RBFOX1: variants seen among roughly 807,000 people sequenced by gnomAD.
The protein encoded by RBFOX1 is RNA binding protein fox-1 homolog 1.
In RBFOX1, 8 loss-of-function variants were observed where a neutral mutation model predicts 57.7. The ratio of observed to expected loss-of-function variants is 0.14; its 90% CI spans 0.08 to 0.25. The LOEUF (loss-of-function observed/expected upper bound fraction) is 0.25. RBFOX1 is among the 10% of genes least tolerant of loss of function. The probability of loss-of-function intolerance (pLI) is 1.00; values close to 1 mark genes in which losing one functional copy is unlikely to be tolerated. For missense variants in RBFOX1, 611 were observed against 548.5 expected (o/e 1.11, Z -1.14); for synonymous variants, 326 against 222.4 (o/e 1.47, Z -4.15).
Position 5,525,925 on chromosome 16 carries a change from T to G in RBFOX1, c.258+58671T>G, listed in dbSNP as rs188160913. On this transcript the variant is annotated intron_variant, in intron 2 of 2. Transcript: ENST00000585867. Reference sequence around the variant, plus strand: ...ACATCGAAGGCTAGTGCCTCTTTACTTGAAGGCAAGCTTCACATCATGTGA... The same window carrying G: ...ACATCGAAGGCTAGTGCCTCTTTACGTGAAGGCAAGCTTCACATCATGTGA... 3.7e-3 allele frequency among the ~76,000 whole-genome samples: 565 copies of G among 152,238 alleles called. 2 individuals carry two copies. The highest frequency in any genetic ancestry group is 0.012 in the African/African-American group (513 of 41,550).
chr16:7,475,249 AC>A (rs2151040868), intron 4 of RBFOX1, among the ~76,000 whole-genome samples: 1 of 151,828 alleles, frequency 6.6e-6, no homozygotes, highest in East Asian at 1.9e-4. Context: ...TCTGTTTTCA[AC>A]ACTCCTTCAA....
intron 5 of RBFOX1, among the ~76,000 whole-genome samples, chr16:7,573,353 G>A (rs947400203): frequency 2.0e-5 from 3 of 152,084 alleles, no homozygotes; most frequent in African/African-American, 2.4e-5. Flanking sequence ...AGCCAATGAC[G>A]ATCCAGGTTG....
chr16:7,168,546 A>G (rs916941146), intron 4 of RBFOX1, among the ~76,000 whole-genome samples: 2 of 152,182 alleles, frequency 1.3e-5, no homozygotes, highest in Admixed American at 6.5e-5. Flanking sequence ...TAAGTTGCAG[A>G]AAAATGGCCA....
At chr16:5,668,402 G>A (rs148862408) in intron 3 of RBFOX1, among the ~76,000 whole-genome samples, 262 of 152,284 alleles carry the variant, frequency 1.7e-3, no homozygotes, top group Non-Finnish European at 2.8e-3. Context: ...TTAACACAGA[G>A]CTTTAGAAAC....
At chr16:6,169,807 C>T (rs1024904328) in intron 1 of RBFOX1, among the ~76,000 whole-genome samples, 1 of 151,368 alleles carries the variant, frequency 6.6e-6, no homozygotes, top group Non-Finnish European at 1.5e-5. Flanking sequence ...CTCTATCACC[C>T]AGGCTGGAGT....
chr16:5,389,752 C>T (rs748034626), intron 1 of RBFOX1, among the ~76,000 whole-genome samples: 9 of 151,642 alleles, frequency 5.9e-5, no homozygotes, highest in Non-Finnish European at 1.3e-4. Context: ...GGCTGGAGTG[C>T]AGTGGCATGA....
chr16:7,429,733 A>C (rs923969969), intron 4 of RBFOX1, among the ~76,000 whole-genome samples: 2 of 152,224 alleles, frequency 1.3e-5, no homozygotes, highest in Non-Finnish European at 2.9e-5. Flanking sequence ...TTTATTGGGA[A>C]AAGTGCATGG....
intron 2 of RBFOX1, among the ~76,000 whole-genome samples, chr16:6,366,965 C>T (rs2089720384): frequency 6.6e-6 from 1 of 152,204 alleles, no homozygotes; most frequent in African/African-American, 2.4e-5. Context: ...TGTGAAAGTG[C>T]ACATGACAAT....
intron 15 of RBFOX1, chr16:7,709,392 T>C (rs1432198791): frequency 3.2e-6 from 4 of 1,239,494 alleles, no homozygotes; most frequent in East Asian, 2.7e-5. Flanking sequence ...AATGGAATAA[T>C]TAGTCATTTT....
At chr16:7,162,409 C>G (rs1053369747) in intron 4 of RBFOX1, among the ~76,000 whole-genome samples, 3 of 151,896 alleles carry the variant, frequency 2.0e-5, no homozygotes, top group African/African-American at 7.2e-5. Flanking sequence ...TTATGATGCT[C>G]CATTGTGCAG....
intron 2 of RBFOX1, among the ~76,000 whole-genome samples, chr16:6,336,187 T>A (rs1267224209): frequency 1.6e-3 from 61 of 37,430 alleles, no homozygotes; most frequent in South Asian, 6.0e-3. Flanking sequence ...ATATATTTTT[T>A]TTTTTTTTTT....
chr16:6,350,229 G>A (rs2086070308), intron 2 of RBFOX1, among the ~76,000 whole-genome samples: 1 of 151,852 alleles, frequency 6.6e-6, no homozygotes, highest in African/African-American at 2.4e-5. Context: ...CTGAGGTCGG[G>A]AGTTCGAGAC....
chr16:6,959,493 T>C (rs2082513592), intron 3 of RBFOX1, among the ~76,000 whole-genome samples: 1 of 151,018 alleles, frequency 6.6e-6, no homozygotes, highest in South Asian at 2.1e-4. Flanking sequence ...GGAGTATCTT[T>C]TTTTATTTTT....
intron 3 of RBFOX1, among the ~76,000 whole-genome samples, chr16:6,826,576 G>A (rs1397269608): frequency 6.6e-6 from 1 of 152,104 alleles, no homozygotes; most frequent in African/African-American, 2.4e-5. Context: ...GTGCTCTCAC[G>A]TGCTCTATTC....
At chr16:5,999,571 G>C (rs917184948) in intron 4 of RBFOX1, among the ~76,000 whole-genome samples, 1 of 152,114 alleles carries the variant, frequency 6.6e-6, no homozygotes, top group Non-Finnish European at 1.5e-5. Context: ...GCCGGGCGCC[G>C]CTGGGTGCGG....
At chr16:7,368,372 C>G (rs181635064) in intron 4 of RBFOX1, among the ~76,000 whole-genome samples, 2 of 152,058 alleles carry the variant, frequency 1.3e-5, no homozygotes, top group East Asian at 3.9e-4. Context: ...TCAAAAGTGC[C>G]ATATTTTGAA....
At chr16:5,342,752 C>T (rs1451145611) in intron 1 of RBFOX1, among the ~76,000 whole-genome samples, 1 of 152,196 alleles carries the variant, frequency 6.6e-6, no homozygotes, top group East Asian at 1.9e-4. Context: ...CCTTGGTGCA[C>T]ATCCAAACCT....
intron 2 of RBFOX1, among the ~76,000 whole-genome samples, chr16:6,371,941 T>A (rs1203404523): frequency 6.6e-6 from 1 of 152,222 alleles, no homozygotes; most frequent in Admixed American, 6.5e-5. Context: ...GAAGAGAGAC[T>A]TCATATTTTT....
intron 1 of RBFOX1, among the ~76,000 whole-genome samples, chr16:6,042,713 G>C (rs926680765): frequency 6.6e-6 from 1 of 152,054 alleles, no homozygotes; most frequent in Admixed American, 6.6e-5. Context: ...GTTATAGTTT[G>C]GTTTTGTACG....
Sources: gnomAD v4.1 joint callset for allele counts (sites outside exome capture counted in the v4.1 genomes callset) on GRCh38, gnomAD v4.1.1 for gene constraint, MANE v1.5 for transcripts, NCBI Gene and HGNC (gene_info 2026-07-23, HGNC 2026-07-21) for gene names.